The following EPM2A variants were observed in gnomAD, a reference collection of about 807,000 sequenced individuals.
EPM2A encodes laforin.
EPM2A carries 21 observed loss-of-function variants against 26.5 expected under a neutral mutation model. The observed-to-expected ratio is 0.79, with a 90% CI of 0.56 to 1.14. The LOEUF is 1.14. Ranked by LOEUF, EPM2A falls within the 50% of genes most tolerant of loss-of-function variation. EPM2A has a pLI of 0.00. For missense variants in EPM2A, 458 were observed against 440.8 expected (o/e 1.04, Z -0.35); for synonymous variants, 217 against 177.6 (o/e 1.22, Z -1.76).
At chr6:145,641,268 T>C (rs759039210) in intron 2 of EPM2A, 8 of 152,152 alleles carry the variant, frequency 5.3e-5, no homozygotes, top group Non-Finnish European at 1.0e-4. Context: ...ACAGAGGTGA[T>C]CAAGTTAAAC....
intron 2 of EPM2A, among the ~76,000 whole-genome samples, chr6:145,668,502 T>C (rs1197939525): frequency 6.6e-6 from 1 of 152,208 alleles, no homozygotes. Flanking sequence ...ATAGGCACGA[T>C]TTTTTTGGCA....
intron 2 of EPM2A, among the ~76,000 whole-genome samples, chr6:145,552,783 T>C (rs986639529): frequency 3.9e-5 from 6 of 152,062 alleles, no homozygotes; most frequent in Admixed American, 3.3e-4. Context: ...GGTGTGGGCT[T>C]TGGACGTGGG....
At chr6:145,715,406 A>T (rs552782665) in intron 1 of EPM2A, among the ~76,000 whole-genome samples, 2 of 152,316 alleles carry the variant, frequency 1.3e-5, no homozygotes, top group South Asian at 4.1e-4. Context: ...CAAACACAGG[A>T]AGAACATGCA....
chr6:145,625,822 C>G lies in EPM2A; in HGVS notation c.*1594G>C, dbSNP rs563835932. On this transcript the variant is annotated 3_prime_UTR_variant, in exon 4 of 4. Coordinates refer to ENST00000367519, the MANE Select transcript of EPM2A (RefSeq NM_005670.4). ...ACTTACCTTGTATCCTTCTTGTCCCCCACGCCTTCTAAATAAGAGTCTCTT... is the reference window on the plus strand; with the variant it reads ...ACTTACCTTGTATCCTTCTTGTCCCGCACGCCTTCTAAATAAGAGTCTCTT... 6.9e-4 allele frequency: 1,069 copies of G among 1,548,678 alleles called. 18 individuals carry two copies. The South Asian group carries it at 0.012, about 17-fold the overall frequency.
chr6:145,612,350 A>G (rs1334865175), intron 2 of EPM2A, among the ~76,000 whole-genome samples: 1 of 152,218 alleles, frequency 6.6e-6, no homozygotes, highest in Non-Finnish European at 1.5e-5. Flanking sequence ...CAGAGAAAAG[A>G]GTAAAGTTTG....
At position 145,407,560 on chromosome 6, in the gene EPM2A, T is replaced by G. The variant is rs375434418; in HGVS notation, c.556-23463A>C. On this transcript the variant is annotated intron_variant, in intron 4 of 4. Transcript: ENST00000638717. The stretch of plus-strand genomic sequence containing the variant: ...AGAAAATTACCAGCTTTCCTATAAT[T>G]GTGAGGAGTTTTCACAATTTAAAAT... Among the ~76,000 whole-genome samples the G allele has an allele frequency of 8.5e-5, 13 of 152,166 alleles. No homozygotes were observed. In the East Asian group the frequency reaches 1.9e-3, roughly 23 times the overall value.
At chr6:145,466,052 C>A (rs1317888641) in intron 4 of EPM2A, among the ~76,000 whole-genome samples, 2 of 151,998 alleles carry the variant, frequency 1.3e-5, no homozygotes, top group African/African-American at 2.4e-5. Flanking sequence ...AAAACCTAGG[C>A]ATTACCATTC....
At position 145,582,220 on chromosome 6, in the gene EPM2A, G is replaced by T. The variant is rs78354159; in HGVS notation, c.340+53025C>A. Among the ~76,000 whole-genome samples, 1,153 of 152,102 alleles carry T rather than the reference G, an allele frequency of 7.6e-3. 18 individuals carry two copies. Among genetic ancestry groups the T allele is most frequent in the African/African-American group, 0.026 (1,093 of 41,480 alleles). The stretch of plus-strand genomic sequence containing the variant: ...ACCCAGAAATCATTCAGGAGCAGTT[G>T]TTTAATTTCCATGTTATTGTATGAT... On this transcript the variant is annotated intron_variant, in intron 2 of 3. Transcript: ENST00000450221.
intron 2 of EPM2A, among the ~76,000 whole-genome samples, chr6:145,513,057 A>T (rs974818381): frequency 3.9e-5 from 6 of 152,164 alleles, no homozygotes; most frequent in African/African-American, 9.7e-5. Context: ...AAAATAGACA[A>T]ATGAGATTTA....
intron 4 of EPM2A, chr6:145,489,827 G>A: frequency 1.4e-6 from 2 of 1,446,446 alleles, no homozygotes; most frequent in Non-Finnish European, 1.9e-6. Context: ...GCTTCTAGAA[G>A]TTCAGTTTGT....
Position 145,484,970 on chromosome 6 carries a change from T to C in EPM2A, c.555+17552A>G, listed in dbSNP as rs868032609. Among the ~76,000 whole-genome samples the C allele has an allele frequency of 3.5e-5, 5 of 143,874 alleles. No homozygotes were observed. In the South Asian group the frequency reaches 1.1e-3, roughly 32 times the overall value. The allele number at this position is 143,874 out of a possible 152,430, so 94.4% of individuals were successfully genotyped here. On this transcript the variant is annotated intron_variant, in intron 4 of 4. Coordinates refer to the EPM2A transcript ENST00000638717. ...TTTTATTTTGGTATTCAGGTATAGA[T>C]GTCTGATTAATGACATTAAAATATA...
chr6:145,735,536 C>G (rs1204372763), upstream of EPM2A: 1 of 1,163,774 alleles, frequency 8.6e-7, no homozygotes, highest in Non-Finnish European at 1.1e-6. Context: ...GGCCCGGAGT[C>G]CCCGCGGCCG....
Position 145,686,107 on chromosome 6 carries a change from T to A in EPM2A, c.476+15A>T. 1 of 1,605,156 alleles carries A rather than the reference T, an allele frequency of 6.2e-7. No individual in the cohort carries two copies. The highest frequency in any genetic ancestry group is 8.5e-7 in the Non-Finnish European group (1 of 1,171,864). On this transcript the variant is annotated intron_variant, in intron 2 of 3. Transcript: ENST00000367519. The stretch of plus-strand genomic sequence containing the variant: ...TGTCCTACTTCTATGCCTATAAATA[T>A]AGCACTATTTTTACCTTGAATAATG...
intron 2 of EPM2A, among the ~76,000 whole-genome samples, chr6:145,586,895 G>GT (rs1781202579): frequency 6.6e-6 from 1 of 152,148 alleles, no homozygotes; most frequent in South Asian, 2.1e-4. Context: ...CCTTAAAAAA[G>GT]TAACTGATGA....
intron 4 of EPM2A, among the ~76,000 whole-genome samples, chr6:145,416,989 C>G (rs185534537): frequency 6.6e-6 from 1 of 151,994 alleles, no homozygotes; most frequent in Admixed American, 6.5e-5. Context: ...GAAAATTTTC[C>G]TCTGTTGAGG....
At chr6:145,434,909 T>C (rs962047953) in intron 4 of EPM2A, among the ~76,000 whole-genome samples, 2 of 152,008 alleles carry the variant, frequency 1.3e-5, no homozygotes, top group Non-Finnish European at 2.9e-5. Context: ...AGATCCCTCA[T>C]GGCTTGGTGC....
chr6:145,648,473 G>C (rs961847222), intron 2 of EPM2A, among the ~76,000 whole-genome samples: 1 of 152,094 alleles, frequency 6.6e-6, no homozygotes, highest in African/African-American at 2.4e-5. Flanking sequence ...ATAACCCATG[G>C]ACCATAACCA....
At chr6:145,710,355 A>C (rs1448973934) in intron 1 of EPM2A, among the ~76,000 whole-genome samples, 1 of 152,222 alleles carries the variant, frequency 6.6e-6, no homozygotes, top group Non-Finnish European at 1.5e-5. Context: ...ATGCAGCCAA[A>C]AAACACATGA....
intron 2 of EPM2A, among the ~76,000 whole-genome samples, chr6:145,593,362 T>C (rs904259107): frequency 9.2e-5 from 14 of 152,080 alleles, no homozygotes; most frequent in African/African-American, 3.4e-4. Flanking sequence ...TTTTCAGTAA[T>C]TGATAAATCA....
Sources: allele counts gnomAD v4.1 joint callset (sites outside exome capture counted in the v4.1 genomes callset), GRCh38; gene constraint gnomAD v4.1.1; transcripts MANE v1.5; gene names NCBI Gene and HGNC (gene_info 2026-07-23, HGNC 2026-07-21).